Variants in PAX7 observed in about 807,000 individuals in gnomAD.
PAX7 encodes the protein paired box 7, also known as paired box protein Pax-7.
In PAX7, 18 loss-of-function variants were observed where a neutral mutation model predicts 50.7. The observed-to-expected ratio is 0.36, with a 90% CI of 0.25 to 0.53. The LOEUF (loss-of-function observed/expected upper bound fraction) is 0.53. Ranked by LOEUF, PAX7 falls within the 20% of genes least tolerant of loss-of-function variation. The probability of loss-of-function intolerance (pLI) is 0.93; values close to 1 mark genes in which losing one functional copy is unlikely to be tolerated. For missense variants in PAX7, 644 were observed against 702.9 expected (o/e 0.92, Z 0.95); for synonymous variants, 310 against 290.4 (o/e 1.07, Z -0.69).
At chr1:18,719,388 G>T (rs2089466801) in intron 7 of PAX7, among the ~76,000 whole-genome samples, 1 of 152,248 alleles carries the variant, frequency 6.6e-6, no homozygotes, top group African/African-American at 2.4e-5. Flanking sequence ...CCTCCATCCT[G>T]CTGCGTGAGG....
chr1:18,694,567 A>G (rs1316980214), intron 5 of PAX7, among the ~76,000 whole-genome samples: 6 of 151,414 alleles, frequency 4.0e-5, no homozygotes, highest in African/African-American at 1.5e-4. Flanking sequence ...TGAAAGATAC[A>G]GCTGCTCTGA....
At chr1:18,671,795 C>G (rs546592970) in intron 4 of PAX7, among the ~76,000 whole-genome samples, 73 of 148,146 alleles carry the variant, frequency 4.9e-4, no homozygotes, top group African/African-American at 1.8e-3. Flanking sequence ...TAGCAAGACC[C>G]TAACTCTATA....
chr1:18,702,934 G>A (rs2841098), intron 6 of PAX7, among the ~76,000 whole-genome samples, 160 bp from the exon 7 acceptor site: 3,485 of 152,258 alleles, frequency 0.023, 112 homozygotes, highest in African/African-American at 0.075. Context: ...CCCTGCCCAG[G>A]AGCCAACTTG....
At chr1:18,673,761 G>A (rs142523879) in intron 4 of PAX7, among the ~76,000 whole-genome samples, 1 of 152,224 alleles carries the variant, frequency 6.6e-6, no homozygotes, top group Non-Finnish European at 1.5e-5. Flanking sequence ...CAAACCCCAG[G>A]GTGGATGAGG....
In PAX7 at chr1:18,726,285, G is replaced by A. The variant is rs2089570878; in HGVS notation, c.1156-9347G>A. 6.6e-6 allele frequency among the ~76,000 whole-genome samples: 1 copy of A among 152,176 alleles called. No individual in the cohort carries two copies. Among genetic ancestry groups the A allele is most frequent in the Non-Finnish European group, 1.5e-5 (1 of 68,026 alleles). ...AAAAGCCTCCAAGGACCCCTGGAAT[G>A]GGGAGGGGGCACTTAGAAACCCATT... On this transcript the variant is annotated intron_variant, in intron 7 of 8. Coordinates refer to ENST00000420770, the MANE Select transcript of PAX7 (RefSeq NM_001135254.2). The surrounding 1 kb of genome is among the most constrained non-coding windows in gnomAD (Gnocchi z 4.8).
intron 4 of PAX7, among the ~76,000 whole-genome samples, chr1:18,675,247 G>T (rs770169902): frequency 6.6e-6 from 1 of 151,818 alleles, no homozygotes; most frequent in African/African-American, 2.4e-5. Context: ...CCTGACACAC[G>T]CCCACCATGA....
chr1:18,710,550 T>A (rs1398277528), intron 7 of PAX7, among the ~76,000 whole-genome samples: 5 of 150,998 alleles, frequency 3.3e-5, no homozygotes, highest in Non-Finnish European at 7.4e-5. Flanking sequence ...GCCCAGAATT[T>A]AAAAAAAAAC....
Position 18,726,924 on chromosome 1 carries a change from C to A in PAX7, c.1156-8708C>A, listed in dbSNP as rs543173534. On this transcript the variant is annotated intron_variant, in intron 7 of 8. Transcript: ENST00000420770. This position sits in a 1 kb window ranked among gnomAD's most constrained non-coding sequence, Gnocchi z 4.8. ...TGGCAGTCAATGACCCGGTGTTCAC[C>A]ACGTATCCTCTGAGCTTCCAAGGTC... Among the ~76,000 whole-genome samples, 2 of 152,306 alleles carry A rather than the reference C, an allele frequency of 1.3e-5. No individual in the cohort carries two copies. The highest frequency in any genetic ancestry group is 3.9e-4 in the East Asian group (2 of 5,184).
In PAX7 at chr1:18,661,304, G is replaced by A. The variant is rs549407668; in HGVS notation, c.586+24933G>A. Among the ~76,000 whole-genome samples the A allele has an allele frequency of 2.6e-5, 4 of 152,246 alleles. No homozygotes were observed. The South Asian group carries it at 8.3e-4, about 32-fold the overall frequency. On this transcript the variant is annotated intron_variant, in intron 4 of 8. Coordinates refer to ENST00000420770, the MANE Select transcript of PAX7 (RefSeq NM_001135254.2). ...GTCCCGCTTTGGGGTCCATGAGGTG[G>A]AAATGAATTCGTCTTTATTTTTTCA...
In PAX7 at chr1:18,642,873, G is replaced by A. The variant is rs573324036; in HGVS notation, c.586+6502G>A. Among the ~76,000 whole-genome samples, 294 of 151,714 alleles carry A rather than the reference G, an allele frequency of 1.9e-3. 1 individual carries two copies. Among genetic ancestry groups the A allele is most frequent in the African/African-American group, 6.5e-3 (269 of 41,336 alleles). On this transcript the variant is annotated intron_variant, in intron 4 of 8. Coordinates refer to ENST00000420770, the MANE Select transcript of PAX7 (RefSeq NM_001135254.2). ...GTGGGGTGGGGGAGAGGTGAGGCGGGGAAGGAGTCCAGTGAGAGCGCAGGG... is the reference window on the plus strand; with the variant it reads ...GTGGGGTGGGGGAGAGGTGAGGCGGAGAAGGAGTCCAGTGAGAGCGCAGGG...
At position 18,746,528 on chromosome 1, in the gene PAX7, C is replaced by T. The variant is rs1931446902; in HGVS notation, c.*1599C>T. On this transcript the variant is annotated 3_prime_UTR_variant, in exon 9 of 9. Coordinates refer to ENST00000420770, the MANE Select transcript of PAX7 (RefSeq NM_001135254.2). ...TGTCACTGTAATCTACATTCCATCA[C>T]CTTTATCAGGTGCTGCTGAGTACAA... 3 of 231,240 alleles carry T rather than the reference C, an allele frequency of 1.3e-5. No individual in the cohort carries two copies. The East Asian group carries it at 1.8e-4, about 14-fold the overall frequency. 14.3% of individuals were successfully genotyped at this position (231,240 alleles called of 1,614,324 possible).
intron 7 of PAX7, among the ~76,000 whole-genome samples, chr1:18,734,435 A>T (rs78480964): frequency 0.029 from 4,426 of 151,832 alleles, 72 homozygotes; most frequent in South Asian, 0.053. Context: ...TCACTGGGAC[A>T]CTGTGCCCTC....
At chr1:18,645,381 G>A (rs2088322605) in intron 4 of PAX7, among the ~76,000 whole-genome samples, 1 of 152,236 alleles carries the variant, frequency 6.6e-6, no homozygotes, top group Non-Finnish European at 1.5e-5. Flanking sequence ...CCCCGAGCGG[G>A]ACAGAAAAAG....
intron 4 of PAX7, among the ~76,000 whole-genome samples, chr1:18,651,971 C>T (rs918231318): frequency 3.3e-5 from 5 of 151,938 alleles, no homozygotes; most frequent in East Asian, 3.9e-4. Flanking sequence ...TAATTAGACC[C>T]GGGACAAGAA....
intron 4 of PAX7, among the ~76,000 whole-genome samples, chr1:18,679,903 A>G (rs1189821389): frequency 1.3e-5 from 2 of 152,218 alleles, no homozygotes; most frequent in African/African-American, 4.8e-5. Context: ...AGGGATACAG[A>G]AGTAAAATAG....
chr1:18,711,959 C>T (rs781645166), intron 7 of PAX7, among the ~76,000 whole-genome samples: 1 of 152,202 alleles, frequency 6.6e-6, no homozygotes, highest in Non-Finnish European at 1.5e-5. Context: ...ACCCAAACCA[C>T]ATCCACCAGC....
At chr1:18,738,945 G>A (rs929552284) in intron 8 of PAX7, among the ~76,000 whole-genome samples, 8 of 152,104 alleles carry the variant, frequency 5.3e-5, no homozygotes, top group South Asian at 2.1e-4. Context: ...TCATGTTCCC[G>A]CTAACCACTT....
intron 4 of PAX7, among the ~76,000 whole-genome samples, chr1:18,661,205 A>G (rs2088594922): frequency 6.6e-6 from 1 of 152,106 alleles, no homozygotes; most frequent in African/African-American, 2.4e-5. Context: ...GGTGGGGTAG[A>G]CAGGCAAACA....
intron 5 of PAX7, among the ~76,000 whole-genome samples, chr1:18,699,136 T>C (rs1379934482): frequency 6.6e-6 from 1 of 152,226 alleles, no homozygotes; most frequent in African/African-American, 2.4e-5. Flanking sequence ...TCAACAAGTA[T>C]TCCTTGAACA....
Sources: allele counts gnomAD v4.1 joint callset (sites outside exome capture counted in the v4.1 genomes callset), GRCh38; gene constraint gnomAD v4.1.1; non-coding constraint Gnocchi (gnomAD v3.1); transcripts MANE v1.5; gene names NCBI Gene and HGNC (gene_info 2026-07-23, HGNC 2026-07-21).